The following KLHL13 variants were observed in gnomAD, a reference collection of about 807,000 sequenced individuals.
KLHL13 encodes kelch like family member 13, also known as kelch-like protein 13.
In KLHL13, 10 loss-of-function variants were observed where a neutral mutation model predicts 37.1. The ratio of observed to expected loss-of-function variants is 0.27; its 90% confidence interval spans 0.17 to 0.46. KLHL13 has a LOEUF of 0.46. Ranked by LOEUF, KLHL13 falls within the 20% of genes least tolerant of loss-of-function variation. The probability of loss-of-function intolerance (pLI) is 1.00; values close to 1 mark genes in which losing one functional copy is unlikely to be tolerated. For missense variants in KLHL13, 360 were observed against 509.3 expected (o/e 0.71, Z 2.82); for synonymous variants, 163 against 181.2 (o/e 0.90, Z 0.81).
At chrX:117,980,956 C>T (rs892443482) in intron 1 of KLHL13, among the ~76,000 whole-genome samples, 1 of 111,712 alleles carries the variant, frequency 9.0e-6, no homozygotes, top group Non-Finnish European at 1.9e-5. Flanking sequence ...AGAGACTTAG[C>T]AACCTGGTCA....
At chrX:118,048,691 T>G (rs1359739181) in intron 1 of KLHL13, among the ~76,000 whole-genome samples, 1 of 111,549 alleles carries the variant, frequency 9.0e-6, no homozygotes, top group Non-Finnish European at 1.9e-5. Flanking sequence ...ACATTTTTTT[T>G]AAAGAGCTTT....
At chrX:118,103,688 C>T (rs1288494789) in intron 1 of KLHL13, among the ~76,000 whole-genome samples, 1 of 110,989 alleles carries the variant, frequency 9.0e-6, no homozygotes, top group Non-Finnish European at 1.9e-5. Flanking sequence ...AAAGATAACA[C>T]TGACTGTAGC....
chrX:118,029,613 A>C (rs2054313952), intron 1 of KLHL13, among the ~76,000 whole-genome samples: 1 of 112,453 alleles, frequency 8.9e-6, no homozygotes, highest in Admixed American at 9.5e-5. Context: ...ATCTCTTGTT[A>C]ATAAAATCAA....
At chrX:117,899,348 G>A (rs752762593) in exon 7 of KLHL13, 10 of 1,206,777 alleles carry the variant, frequency 8.3e-6, no homozygotes, top group Non-Finnish European at 1.1e-6. Flanking sequence ...TCAGTATCAG[G>A]GTCAAAGCAC....
intron 1 of KLHL13, among the ~76,000 whole-genome samples, chrX:118,107,199 T>C (rs1354820150): frequency 8.9e-6 from 1 of 112,363 alleles, no homozygotes; most frequent in Non-Finnish European, 1.9e-5. Context: ...TAAAATCCTA[T>C]TAACCCAAAC....
chrX:118,105,269 A>G lies in KLHL13; in HGVS notation c.-56+11239T>C, dbSNP rs1243721452. On this transcript the variant is annotated intron_variant, in intron 1 of 6. Coordinates refer to the KLHL13 transcript ENST00000371882. ...CTGTTTTCTAACATGCCTTTTTTAG[A>G]TATCATGCTCTGTTATATAATGGCC... Among the ~76,000 whole-genome samples the G allele has an allele frequency of 2.7e-5, 3 of 112,486 alleles. No individual in the cohort carries two copies. In the East Asian group the frequency reaches 8.3e-4, roughly 31 times the overall value.
At position 118,100,498 on chromosome X, in the gene KLHL13, T is replaced by C. The variant is rs2055276043; in HGVS notation, c.-56+16010A>G. Among the ~76,000 whole-genome samples, 3 of 111,933 alleles carry C rather than the reference T, an allele frequency of 2.7e-5. No homozygotes were observed. The South Asian group carries it at 1.1e-3, about 42-fold the overall frequency. ...GGGAATTGATAGTATATCATGTTTT[T>C]GCTTTTGAGCAAAAACGAGAACCCA... On this transcript the variant is annotated intron_variant, in intron 1 of 6. Coordinates refer to the KLHL13 transcript ENST00000371882.
intron 2 of KLHL13, among the ~76,000 whole-genome samples, chrX:117,931,142 G>T (rs2147749282): frequency 9.0e-6 from 1 of 111,601 alleles, no homozygotes; most frequent in African/African-American, 3.2e-5. Flanking sequence ...TAGAGGATAA[G>T]ACTATAAAAT....
chrX:117,954,871 T>C lies in KLHL13; in HGVS notation c.99-9296A>G, dbSNP rs12843892. Among the ~76,000 whole-genome samples the C allele has an allele frequency of 7.0e-3, 781 of 112,143 alleles. 12 individuals carry two copies. The highest frequency in any genetic ancestry group is 0.024 in the African/African-American group (739 of 30,899). On this transcript the variant is annotated intron_variant, in intron 1 of 6. Transcript: ENST00000262820. ...TGCAGCAGTGAGCTTGCCTTCTCTT[T>C]CTTTAATCCAAAAATGAAGAAACTG... is the stretch of plus-strand genomic sequence containing the variant.
chrX:117,954,407 CGGAT>C (rs755552949), intron 1 of KLHL13, among the ~76,000 whole-genome samples: 1 of 110,761 alleles, frequency 9.0e-6, no homozygotes, highest in Non-Finnish European at 1.9e-5. Flanking sequence ...GATAGGTAGA[CGGAT>C]GGATGGATGG....
intron 2 of KLHL13, among the ~76,000 whole-genome samples, chrX:117,922,629 C>CGTTTGTGGTA (rs1479622580): frequency 4.5e-5 from 5 of 111,261 alleles, no homozygotes; most frequent in African/African-American, 1.3e-4. Context: ...CGTTTGTGTT[C>CGTTTGTGGTA]GTTTGTGGTA....
At chrX:117,927,394 C>T (rs1932133446) in intron 2 of KLHL13, among the ~76,000 whole-genome samples, 1 of 112,291 alleles carries the variant, frequency 8.9e-6, no homozygotes, top group Non-Finnish European at 1.9e-5. Flanking sequence ...AACCTTTCTC[C>T]TTGGTCAGAG....
chrX:118,042,479 C>CA (rs1202473258), intron 1 of KLHL13, among the ~76,000 whole-genome samples: 1 of 111,441 alleles, frequency 9.0e-6, no homozygotes, highest in South Asian at 3.7e-4. Flanking sequence ...TTAAAACATT[C>CA]AAAAAAATTG....
At chrX:117,979,075 C>T (rs1392229281) in intron 1 of KLHL13, among the ~76,000 whole-genome samples, 4 of 110,760 alleles carry the variant, frequency 3.6e-5, no homozygotes, top group Non-Finnish European at 7.6e-5. Context: ...GGATTACAGG[C>T]ATGCGCCACC....
chrX:118,090,579 T>C (rs2055119771), intron 1 of KLHL13, among the ~76,000 whole-genome samples: 1 of 111,487 alleles, frequency 9.0e-6, no homozygotes, highest in Admixed American at 9.5e-5. Flanking sequence ...CACAATGAGA[T>C]ACCATCTCAC....
At chrX:118,028,366 T>C in intron 1 of KLHL13, 58 bp downstream of exon 2, 1 of 693,444 alleles carries the variant, frequency 1.4e-6, no homozygotes, top group African/African-American at 2.2e-5. Flanking sequence ...ATGCCTGCTA[T>C]GTTAGGTATA....
intron 1 of KLHL13, among the ~76,000 whole-genome samples, chrX:118,073,415 C>A (rs2054893813): frequency 9.0e-6 from 1 of 110,870 alleles, no homozygotes; most frequent in South Asian, 3.9e-4. Flanking sequence ...ATAGGAAAGA[C>A]CTGCCCCCAT....
chrX:117,912,278 T>A (rs1412178933), intron 4 of KLHL13, among the ~76,000 whole-genome samples: 1 of 111,668 alleles, frequency 9.0e-6, no homozygotes, highest in Non-Finnish European at 1.9e-5. Context: ...GTATGCAAAT[T>A]CTCATCATTA....
chrX:118,097,183 T>C (rs753952096), intron 1 of KLHL13, among the ~76,000 whole-genome samples: 239 of 111,525 alleles, frequency 2.1e-3, no homozygotes, highest in African/African-American at 6.4e-3. Flanking sequence ...GAAAACCCCA[T>C]TGTCTCAGCC....
Sources: gnomAD v4.1 joint callset for allele counts (sites outside exome capture counted in the v4.1 genomes callset) on GRCh38, gnomAD v4.1.1 for gene constraint, MANE v1.5 for transcripts, NCBI Gene and HGNC (gene_info 2026-07-23, HGNC 2026-07-21) for gene names.